The following SYCP1 variants were observed in gnomAD, a reference collection of about 807,000 sequenced individuals.
SYCP1 encodes synaptonemal complex protein 1, also known as cancer/testis antigen 8.
In SYCP1, 64 loss-of-function variants were observed where a neutral mutation model predicts 153.1. The ratio of observed to expected loss-of-function variants is 0.42; its 90% CI spans 0.34 to 0.51. The LOEUF is 0.51. Among genes scored for constraint, SYCP1 ranks in the 20% least tolerant of loss-of-function variants. SYCP1 has a pLI of 0.06. For missense variants in SYCP1, 997 were observed against 1,049.0 expected (o/e 0.95, Z 0.68); for synonymous variants, 384 against 341.8 (o/e 1.12, Z -1.36).
chr1:114,977,535 A>T, intron 27 of SYCP1, 22 bp from the exon 28 acceptor site: 1 of 1,323,082 alleles, frequency 7.6e-7, no homozygotes, highest in African/African-American at 1.5e-5. Context: ...TGTTACTTGT[A>T]CTTGATATTT....
chr1:114,885,595 T>A lies in SYCP1; in HGVS notation c.971T>A (p.Leu324Gln). 6.3e-7 allele frequency: 1 copy of A among 1,584,162 alleles called. No homozygotes were observed. Among genetic ancestry groups the A allele is most frequent in the Non-Finnish European group, 8.6e-7 (1 of 1,164,368 alleles). The change falls in exon 13 of 32, where the codon CTA becomes CAA. Residue 324 changes from leucine (L) to glutamine (Q), a missense_variant. Transcript: ENST00000369522. ...IEKQHHLTKE[L>Q]EDIKVSLQRS... Reference sequence around the variant, plus strand: ...AAACAGCATCATTTGACTAAAGAACTAGAAGATATTAAAGTGTCATTACAA... The same window carrying A: ...AAACAGCATCATTTGACTAAAGAACAAGAAGATATTAAAGTGTCATTACAA...
intron 24 of SYCP1, 127 bp downstream of exon 24, chr1:114,944,582 A>G: frequency 3.1e-6 from 2 of 642,804 alleles, no homozygotes; most frequent in Non-Finnish European, 5.3e-6. Flanking sequence ...TAGTAAATTT[A>G]TATAAGGGTC....
intron 15 of SYCP1, among the ~76,000 whole-genome samples, chr1:114,889,565 T>C (rs1666559469): frequency 1.3e-5 from 2 of 152,230 alleles, no homozygotes; most frequent in African/African-American, 2.4e-5. Context: ...TTTTTTCTTG[T>C]AAACTTGTTT....
chr1:114,859,606 G>C (rs946562241), intron 6 of SYCP1, 137 bp from the exon 7 acceptor site: 1 of 368,204 alleles, frequency 2.7e-6, no homozygotes, highest in Non-Finnish European at 4.3e-6. Context: ...TTACAAAAAT[G>C]TTTCCTTTTT....
rs540973563 is a variant in SYCP1, at chr1:114,885,652, T to C, written c.1005+23T>C. The C allele has an allele frequency of 5.1e-6, 7 of 1,359,246 alleles. No homozygotes were observed. In the Admixed American group the frequency reaches 1.5e-4, roughly 29 times the overall value. 84.2% of individuals were successfully genotyped at this position (1,359,246 alleles called of 1,614,324 possible). A position where few individuals can be genotyped will look rare whatever the true frequency, so the allele number is the denominator to read the frequency against. On this transcript the variant is annotated intron_variant, in intron 13 of 31. Coordinates refer to ENST00000369522, the MANE Select transcript of SYCP1 (RefSeq NM_003176.4). Reference sequence around the variant, plus strand: ...GTGGTATGATTTAAAAACTCATTAGTGTGTAATAAGTCTCACCCTATCAAT... The same window carrying C: ...GTGGTATGATTTAAAAACTCATTAGCGTGTAATAAGTCTCACCCTATCAAT...
intron 20 of SYCP1, among the ~76,000 whole-genome samples, chr1:114,915,531 C>G (rs1216583692): frequency 6.6e-6 from 1 of 152,114 alleles, no homozygotes; most frequent in Non-Finnish European, 1.5e-5. Context: ...TCAGTTATTT[C>G]TGGTTGAATC....
chr1:114,885,368 A>T (rs906037769), intron 12 of SYCP1, among the ~76,000 whole-genome samples, 167 bp from the exon 13 acceptor site: 5 of 152,146 alleles, frequency 3.3e-5, no homozygotes, highest in Non-Finnish European at 5.9e-5. Context: ...TGAAAAGTCA[A>T]TAAAGCTTGA....
intron 29 of SYCP1, among the ~76,000 whole-genome samples, chr1:114,984,095 T>C (rs534151077): frequency 6.6e-6 from 1 of 151,850 alleles, no homozygotes; most frequent in Non-Finnish European, 1.5e-5. Context: ...AATTTTAGAG[T>C]TGGGGTCTTG....
chr1:114,956,229 C>G (rs959599873), intron 27 of SYCP1, among the ~76,000 whole-genome samples: 1 of 152,150 alleles, frequency 6.6e-6, no homozygotes, highest in Non-Finnish European at 1.5e-5. Context: ...GCCTGTGTCC[C>G]CCAGCAGATC....
chr1:114,867,061 A>G (rs1457759309), intron 8 of SYCP1, among the ~76,000 whole-genome samples: 1 of 152,070 alleles, frequency 6.6e-6, no homozygotes, highest in Non-Finnish European at 1.5e-5. Flanking sequence ...TCAGTTGACT[A>G]TATATATTGG....
At chr1:114,877,474 C>T (rs1665620234) in intron 11 of SYCP1, among the ~76,000 whole-genome samples, 2 of 152,122 alleles carry the variant, frequency 1.3e-5, no homozygotes, top group Admixed American at 1.3e-4. Flanking sequence ...CACAAGATAT[C>T]TTCTAATATG....
At chr1:114,985,416 TATAC>T (rs1673434580) in intron 30 of SYCP1, among the ~76,000 whole-genome samples, 1 of 151,982 alleles carries the variant, frequency 6.6e-6, no homozygotes, top group Non-Finnish European at 1.5e-5. Flanking sequence ...CCCATTCACA[TATAC>T]CACTGTTTTC....
chr1:114,887,649 T>G lies in SYCP1; in HGVS notation c.1214T>G (p.Leu405Trp). The G allele has an allele frequency of 3.2e-6, 5 of 1,566,722 alleles. No homozygotes were observed. Among genetic ancestry groups the G allele is most frequent in the Non-Finnish European group, 4.3e-6 (5 of 1,153,530 alleles). Reference sequence around the variant, plus strand: ...AGATTGGAAAAAAATGAAGATCAATTGAAAATACTTACCATGGAGCTTCAA... The same window carrying G: ...AGATTGGAAAAAAATGAAGATCAATGGAAAATACTTACCATGGAGCTTCAA... ...QQRLEKNEDQ[L>W]KILTMELQKK... is the part of the protein sequence containing the mutation. Residue 405 changes from leucine (L) to tryptophan (W), a missense_variant, in exon 15 of 32, where the codon TTG (leucine) becomes TGG (tryptophan). Around this residue, in one of 2 missense-constraint regions of SYCP1, gnomAD observed 712 missense variants for 682.9 expected, o/e 1.04. Transcript: ENST00000369522.
chr1:114,951,907 A>G (rs1381084579), intron 27 of SYCP1, among the ~76,000 whole-genome samples: 1 of 149,946 alleles, frequency 6.7e-6, no homozygotes, highest in African/African-American at 2.5e-5. Flanking sequence ...AACCTTTGTT[A>G]CAGCTTTGTT....
intron 30 of SYCP1, among the ~76,000 whole-genome samples, chr1:114,993,196 T>A (rs1378588334): frequency 4.0e-5 from 6 of 151,622 alleles, no homozygotes; most frequent in African/African-American, 1.4e-4. Context: ...AGATAATTTA[T>A]CTTGTTTAAG....
At chr1:114,921,398 G>C (rs1668861199) in intron 20 of SYCP1, among the ~76,000 whole-genome samples, 1 of 151,946 alleles carries the variant, frequency 6.6e-6, no homozygotes, top group Non-Finnish European at 1.5e-5. Flanking sequence ...AAGATACGAG[G>C]CCAGGTACGG....
chr1:114,912,727 T>A (rs1570756846), intron 18 of SYCP1, among the ~76,000 whole-genome samples: 1 of 151,786 alleles, frequency 6.6e-6, no homozygotes, highest in South Asian at 2.1e-4. Flanking sequence ...TTGAAGAAAA[T>A]AATGTGCTCT....
chr1:114,967,798 A>G (rs1441961303), intron 27 of SYCP1, among the ~76,000 whole-genome samples: 2 of 152,154 alleles, frequency 1.3e-5, no homozygotes, highest in Non-Finnish European at 2.9e-5. Context: ...ACATTTTGGT[A>G]TGTTTTTGCA....
intron 27 of SYCP1, among the ~76,000 whole-genome samples, chr1:114,973,765 T>C (rs1272516776): frequency 6.6e-6 from 1 of 151,952 alleles, no homozygotes; most frequent in African/African-American, 2.4e-5. Context: ...AAGCTGGCTT[T>C]ACCATCTTTA....
Sources: allele counts gnomAD v4.1 joint callset (sites outside exome capture counted in the v4.1 genomes callset), GRCh38; gene constraint gnomAD v4.1.1; regional missense constraint gnomAD v4.1.1; transcripts MANE v1.5; gene names NCBI Gene and HGNC (gene_info 2026-07-23, HGNC 2026-07-21).